ADAMTS17: variants seen among roughly 807,000 people sequenced by gnomAD.
ADAMTS17 encodes the protein ADAM metallopeptidase with thrombospondin type 1 motif 17.
In ADAMTS17, 113 loss-of-function variants were observed where a neutral mutation model predicts 141.5. The ratio of observed to expected loss-of-function variants is 0.80; its 90% CI spans 0.69 to 0.93. ADAMTS17 has a LOEUF of 0.93. Ranked by LOEUF, ADAMTS17 falls within the 40% of genes least tolerant of loss-of-function variation. ADAMTS17 has a pLI of 0.00. For missense variants in ADAMTS17, 1,659 were observed against 1,517.9 expected, an observed-to-expected ratio of 1.09 and a Z score of -1.54; for synonymous variants, 768 against 630.6, an observed-to-expected ratio of 1.22 and a Z score of -3.27.
At chr15:100,227,864 C>T (rs2042358921) in intron 7 of ADAMTS17, among the ~76,000 whole-genome samples, 1 of 152,238 alleles carries the variant, frequency 6.6e-6, no homozygotes, top group South Asian at 2.1e-4. Context: ...AAGAGAGGGG[C>T]ATGGCTGCTA....
At position 99,976,124 on chromosome 15, in the gene ADAMTS17, C is replaced by G; in HGVS notation, c.3048G>C (p.Lys1016Asn). The change falls in exon 21 of 22, where the codon AAG becomes AAC. Residue 1016 changes from lysine to asparagine, a missense_variant. Transcript: ENST00000268070. ...RHGSECPALS[K>N]PAPYRQCYQE... Reference sequence around the variant, plus strand: ...GGTAGCACTGTCTGTAGGGGGCAGGCTTCGAGAGGGCGGGGCACTCGCTGC... The same window carrying G: ...GGTAGCACTGTCTGTAGGGGGCAGGGTTCGAGAGGGCGGGGCACTCGCTGC... 6.4e-7 allele frequency: 1 copy of G among 1,551,378 alleles called. No individual in the cohort carries two copies. Among genetic ancestry groups the G allele is most frequent in the South Asian group, 1.2e-5 (1 of 84,040 alleles).
chr15:100,200,141 G>A (rs535636345), intron 7 of ADAMTS17, among the ~76,000 whole-genome samples: 92 of 152,316 alleles, frequency 6.0e-4, no homozygotes, highest in African/African-American at 1.3e-3. Context: ...ACACATGCTC[G>A]CACCTAAGGA....
chr15:100,034,772 A>G (rs1390577842), intron 18 of ADAMTS17, among the ~76,000 whole-genome samples: 2 of 152,256 alleles, frequency 1.3e-5, no homozygotes, highest in African/African-American at 4.8e-5. Flanking sequence ...CCCGACACCT[A>G]CTTGTTCTCC....
At chr15:100,291,678 A>G (rs1458345141) in intron 3 of ADAMTS17, among the ~76,000 whole-genome samples, 1 of 152,226 alleles carries the variant, frequency 6.6e-6, no homozygotes, top group Non-Finnish European at 1.5e-5. Flanking sequence ...GAATGAGATC[A>G]TGTCCTCTGC....
intron 14 of ADAMTS17, among the ~76,000 whole-genome samples, chr15:100,099,807 G>A (rs1481650628): frequency 2.0e-5 from 3 of 152,196 alleles, no homozygotes; most frequent in Non-Finnish European, 4.4e-5. Flanking sequence ...GGTCAAGACA[G>A]CTCCTGAGAA....
At chr15:100,211,743 A>T (rs183730709) in intron 7 of ADAMTS17, among the ~76,000 whole-genome samples, 2 of 152,354 alleles carry the variant, frequency 1.3e-5, no homozygotes, top group East Asian at 3.9e-4. Context: ...TTAAAAAGAT[A>T]TACAACCTAC....
At chr15:100,278,473 T>C (rs766830540) in intron 4 of ADAMTS17, among the ~76,000 whole-genome samples, 1 of 152,134 alleles carries the variant, frequency 6.6e-6, no homozygotes. Flanking sequence ...GGAAAGCAGA[T>C]CCCTGGCCCA....
At chr15:100,163,846 C>T (rs2039839380) in intron 8 of ADAMTS17, among the ~76,000 whole-genome samples, 1 of 152,196 alleles carries the variant, frequency 6.6e-6, no homozygotes, top group South Asian at 2.1e-4. Flanking sequence ...AGGTGCAGTG[C>T]ACTGGGCCAC....
chr15:99,986,755 A>G (rs2060595421), intron 20 of ADAMTS17, among the ~76,000 whole-genome samples: 1 of 152,204 alleles, frequency 6.6e-6, no homozygotes, highest in African/African-American at 2.4e-5. Flanking sequence ...TCTAGAAAGA[A>G]AGGAGATTTC....
At chr15:100,317,240 A>G (rs1359231842) in intron 3 of ADAMTS17, among the ~76,000 whole-genome samples, 1 of 152,188 alleles carries the variant, frequency 6.6e-6, no homozygotes, top group Non-Finnish European at 1.5e-5. Context: ...GCAGGGTCTG[A>G]GCTTCTCCTC....
intron 10 of ADAMTS17, among the ~76,000 whole-genome samples, chr15:100,133,597 CACAGCCCTGGCCAGGAGCA>C (rs1486559552): frequency 2.0e-5 from 3 of 152,178 alleles, no homozygotes; most frequent in African/African-American, 7.2e-5. Flanking sequence ...ATATCAGAGG[CACAGCCCTGGCCAGGAGCA>C]GCAGCCCCTG....
At chr15:100,320,604 G>T (rs562062584) in intron 3 of ADAMTS17, among the ~76,000 whole-genome samples, 1 of 152,134 alleles carries the variant, frequency 6.6e-6, no homozygotes, top group Admixed American at 6.5e-5. Context: ...AGGCCGAGGC[G>T]GGCCAATTGC....
chr15:100,327,657 G>C (rs772712526), intron 3 of ADAMTS17, among the ~76,000 whole-genome samples: 12 of 152,218 alleles, frequency 7.9e-5, no homozygotes, highest in Non-Finnish European at 1.6e-4. Flanking sequence ...AGGAAGATTA[G>C]AACGTTTGAA....
intron 7 of ADAMTS17, among the ~76,000 whole-genome samples, chr15:100,205,080 C>G (rs919197584): frequency 6.6e-6 from 1 of 152,108 alleles, no homozygotes; most frequent in Non-Finnish European, 1.5e-5. Context: ...TGGCCTTGCT[C>G]CCTAGGGTTA....
At chr15:99,987,899 G>A (rs535419058) in intron 20 of ADAMTS17, among the ~76,000 whole-genome samples, 36 of 152,174 alleles carry the variant, frequency 2.4e-4, no homozygotes, top group Admixed American at 1.4e-3. Context: ...TCCACAGTTG[G>A]GGTCGGGGTC....
intron 17 of ADAMTS17, among the ~76,000 whole-genome samples, chr15:100,050,337 C>G (rs923420916): frequency 6.6e-6 from 1 of 152,208 alleles, no homozygotes; most frequent in Non-Finnish European, 1.5e-5. Context: ...AGAGGAAAAC[C>G]TGGCTGGAAT....
chr15:100,159,778 T>C (rs1033560100), intron 8 of ADAMTS17, among the ~76,000 whole-genome samples: 4 of 152,242 alleles, frequency 2.6e-5, no homozygotes, highest in African/African-American at 9.6e-5. Flanking sequence ...AGTCACAGAC[T>C]AGAGTCTCTA....
chr15:100,324,151 A>G (rs55986184), intron 3 of ADAMTS17, among the ~76,000 whole-genome samples: 2,193 of 152,268 alleles, frequency 0.014, 42 homozygotes, highest in African/African-American at 0.049. Context: ...CTAAAAGTAC[A>G]GAAATCAGTC....
intron 3 of ADAMTS17, among the ~76,000 whole-genome samples, chr15:100,302,698 GAACT>G (rs1218373860): frequency 6.6e-6 from 1 of 152,182 alleles, no homozygotes; most frequent in African/African-American, 2.4e-5. Flanking sequence ...CTTCTTTAGA[GAACT>G]ATCTGCGATG....
Sources: gnomAD v4.1 joint callset for allele counts (sites outside exome capture counted in the v4.1 genomes callset) on GRCh38, gnomAD v4.1.1 for gene constraint, MANE v1.5 for transcripts, NCBI Gene and HGNC (gene_info 2026-07-23, HGNC 2026-07-21) for gene names.